PCDH10: variants seen among roughly 807,000 people sequenced by gnomAD.
The protein encoded by PCDH10 is protocadherin 10.
Under a neutral mutation model 74.4 loss-of-function variants are expected in PCDH10, and 15 were observed. The observed-to-expected ratio is 0.20, with a 90% confidence interval of 0.13 to 0.31. The LOEUF (loss-of-function observed/expected upper bound fraction) is 0.31, where lower values mean the gene tolerates loss of function less well. Among genes scored for constraint, PCDH10 ranks in the 10% least tolerant of loss-of-function variants. The pLI is 1.00. For synonymous variants in PCDH10, 619 were observed against 589.8 expected, an observed-to-expected ratio of 1.05 and a Z score of -0.72; for missense variants, 1,260 against 1,390.2, an observed-to-expected ratio of 0.91 and a Z score of 1.49.
chr4:133,187,733 A>G (rs1459086773), intron 4 of PCDH10, among the ~76,000 whole-genome samples: 1 of 152,138 alleles, frequency 6.6e-6, no homozygotes, highest in East Asian at 1.9e-4. Context: ...TTATGTTTAT[A>G]TTTAAGATAT....
chr4:133,179,998 C>A (rs1224753972), intron 4 of PCDH10, among the ~76,000 whole-genome samples: 1 of 151,922 alleles, frequency 6.6e-6, no homozygotes, highest in Non-Finnish European at 1.5e-5. Flanking sequence ...AAATCTTAAC[C>A]ATTTCCAGTC....
intron 2 of PCDH10, among the ~76,000 whole-genome samples, chr4:133,206,290 G>A (rs890058691): frequency 6.6e-6 from 1 of 152,148 alleles, no homozygotes; most frequent in African/African-American, 2.4e-5. Context: ...AACTGTGCCT[G>A]CTATTTCCTA....
At chr4:133,157,764 G>C (rs1726895264) in intron 3 of PCDH10, among the ~76,000 whole-genome samples, 1 of 151,830 alleles carries the variant, frequency 6.6e-6, no homozygotes, top group Non-Finnish European at 1.5e-5. Context: ...TATTTATTTA[G>C]ATATGCCTTC....
At chr4:133,207,859 C>A (rs894328070) in intron 2 of PCDH10, among the ~76,000 whole-genome samples, 1 of 152,136 alleles carries the variant, frequency 6.6e-6, no homozygotes, top group Non-Finnish European at 1.5e-5. Context: ...TTGACAGCCT[C>A]TGTGATGGCC....
At chr4:133,204,642 C>G (rs1727966944) in intron 2 of PCDH10, among the ~76,000 whole-genome samples, 1 of 152,130 alleles carries the variant, frequency 6.6e-6, no homozygotes, top group East Asian at 1.9e-4. Context: ...TTGGCCTTCC[C>G]AGTATCATGA....
intron 4 of PCDH10, among the ~76,000 whole-genome samples, chr4:133,174,022 T>A (rs1471335273): frequency 6.6e-6 from 1 of 151,946 alleles, no homozygotes. Context: ...ATGAAAAATA[T>A]CTTAACCTTG....
intron 3 of PCDH10, among the ~76,000 whole-genome samples, chr4:133,157,822 C>T (rs1186288430): frequency 3.3e-5 from 5 of 150,524 alleles, no homozygotes; most frequent in African/African-American, 9.8e-5. Flanking sequence ...TATCTTCCAC[C>T]CCCTCCTTCT....
At position 133,193,892 on chromosome 4, in the gene PCDH10, GA is replaced by G. The variant is rs1376193052; in HGVS notation, c.*3737del. 6.6e-6 allele frequency: 1 copy of G among 151,548 alleles called. No individual in the cohort carries two copies. The highest frequency in any genetic ancestry group is 1.5e-5 in the Non-Finnish European group (1 of 67,678). The allele number at this position is 151,548 out of a possible 1,614,324, so 9.4% of individuals were successfully genotyped here. On this transcript the variant is annotated 3_prime_UTR_variant, in exon 5 of 5. Transcript: ENST00000264360. ...TCCTTTTGTGTTCCTTTTTAACAAG[GA>G]AAAACAGAAAATAATGGAATTCCAT...
chr4:133,170,177 A>T (rs1727174430), intron 4 of PCDH10, among the ~76,000 whole-genome samples: 1 of 152,146 alleles, frequency 6.6e-6, no homozygotes, highest in Admixed American at 6.5e-5. Flanking sequence ...AATGTTGCAG[A>T]TAAAAATTAG....
Position 133,151,322 on chromosome 4 carries a change from G to C in PCDH10, c.1182G>C (p.Gln394His), listed in dbSNP as rs770531453. Residue 394 changes from glutamine to histidine, a missense_variant, in exon 1 of 5, where the codon CAG becomes CAC. This residue lies in a region of PCDH10 where 112 missense variants were observed against 123.6 expected (regional missense o/e 0.91). Transcript: ENST00000264360. ...DRDSEENGQV[Q>H]CELLGDVPFR... ...ACTCAGAGGAGAATGGGCAGGTGCA[G>C]TGCGAGCTACTGGGAGACGTGCCTT... The C allele has an allele frequency of 6.2e-7, 1 of 1,614,196 alleles. No individual in the cohort carries two copies. Among genetic ancestry groups the C allele is most frequent in the Non-Finnish European group, 8.5e-7 (1 of 1,180,034 alleles).
At position 133,150,924 on chromosome 4, in the gene PCDH10, A is replaced by C; in HGVS notation, c.784A>C (p.Asn262His). ...QPVYTVSLPE[N>H]SPPGTLVIQL... is the part of the protein sequence containing the mutation. ...CGTCTACACTGTGTCCCTACCAGAGAACTCTCCCCCAGGCACTCTCGTGAT... is the reference window on the plus strand; with the variant it reads ...CGTCTACACTGTGTCCCTACCAGAGCACTCTCCCCCAGGCACTCTCGTGAT... Residue 262 changes from asparagine (N) to histidine (H), a missense_variant, in exon 1 of 5, where the codon AAC becomes CAC. Coordinates refer to ENST00000264360, the MANE Select transcript of PCDH10 (RefSeq NM_032961.3). The C allele has an allele frequency of 1.2e-6, 2 of 1,613,782 alleles. No homozygotes were observed. The highest frequency in any genetic ancestry group is 1.7e-6 in the Non-Finnish European group (2 of 1,180,008).
chr4:133,151,617 G>A lies in PCDH10; in HGVS notation c.1477G>A (p.Gly493Ser). 1 of 1,613,858 alleles carries A rather than the reference G, an allele frequency of 6.2e-7. No homozygotes were observed. The highest frequency in any genetic ancestry group is 8.5e-7 in the Non-Finnish European group (1 of 1,180,030). ...YAVSATDRDE[G>S]ANAQLAYSIL... ...GGTGAGCGCCACCGACCGGGATGAG[G>A]GCGCCAACGCCCAGCTTGCCTACTC... is the stretch of plus-strand genomic sequence containing the variant. Residue 493 changes from glycine to serine, a missense_variant, in exon 1 of 5, where the codon GGC becomes AGC. Coordinates refer to ENST00000264360, the MANE Select transcript of PCDH10 (RefSeq NM_032961.3).
Position 133,150,898 on chromosome 4 carries a change from C to T in PCDH10, c.758C>T (p.Pro253Leu). ...SNDNVPAFDQ[P>L]VYTVSLPENS... ...GACAATGTGCCCGCTTTCGACCAAC[C>T]CGTCTACACTGTGTCCCTACCAGAG... is the stretch of plus-strand genomic sequence containing the variant. Residue 253 changes from proline (P) to leucine (L), a missense_variant, in exon 1 of 5, where the codon CCC becomes CTC. Pro to Leu is a moderately conservative substitution (Grantham distance 98). This residue lies in a region of PCDH10 where 192 missense variants were observed against 161.2 expected (regional missense o/e 1.19). Transcript: ENST00000264360. 3 of 1,612,312 alleles carry T rather than the reference C, an allele frequency of 1.9e-6. No homozygotes were observed. Among genetic ancestry groups the T allele is most frequent in the Non-Finnish European group, 1.7e-6 (2 of 1,179,656 alleles).
Position 133,202,203 on chromosome 4 carries a change from C to T in PCDH10, n.438-5873C>T, listed in dbSNP as rs543855203. ...ACTTTAGTGGTATCCTTTTTATGGC[C>T]AATAAAGAAAAGTGAGGGACCTGTG... On this transcript the variant is annotated intron_variant and non_coding_transcript_variant, in intron 2 of 2. Coordinates refer to the PCDH10 transcript ENST00000511112. Among the ~76,000 whole-genome samples, 412 of 151,986 alleles carry T rather than the reference C, an allele frequency of 2.7e-3. 2 individuals carry two copies. The highest frequency in any genetic ancestry group is 5.0e-3 in the Non-Finnish European group (342 of 67,970).
At chr4:133,170,770 G>A (rs1727186392) in intron 4 of PCDH10, among the ~76,000 whole-genome samples, 1 of 152,002 alleles carries the variant, frequency 6.6e-6, no homozygotes, top group Non-Finnish European at 1.5e-5. Context: ...TTGGCTCACT[G>A]CCACCTCCAC....
At position 133,149,300 on chromosome 4, in the gene PCDH10, T is replaced by TCTGA. The variant is rs1391513833; in HGVS notation, c.-841_-840insCTGA. On this transcript the variant is annotated 5_prime_UTR_variant, in exon 1 of 5. Transcript: ENST00000264360. Reference sequence around the variant, plus strand: ...AGCCGAGCGCTCGGAGCTCAGAAACTGCCAGCCCAGACCACAGGCTCAGAG... The same window carrying TCTGA: ...AGCCGAGCGCTCGGAGCTCAGAAACTCTGAGCCAGCCCAGACCACAGGCTCAGAG... The TCTGA allele has an allele frequency of 6.6e-6, 1 of 152,290 alleles. No homozygotes were observed. The highest frequency in any genetic ancestry group is 1.5e-5 in the Non-Finnish European group (1 of 68,082). The allele number at this position is 152,290 out of a possible 1,614,324, so 9.4% of individuals were successfully genotyped here.
chr4:133,181,130 A>AATATGCT (rs1341095794), intron 4 of PCDH10, among the ~76,000 whole-genome samples: 1 of 151,980 alleles, frequency 6.6e-6, no homozygotes, highest in East Asian at 1.9e-4. Flanking sequence ...ATATTTATTT[A>AATATGCT]ATATGCTATA....
intron 3 of PCDH10, among the ~76,000 whole-genome samples, chr4:133,159,382 T>A (rs1726921512): frequency 6.6e-6 from 1 of 152,050 alleles, no homozygotes; most frequent in African/African-American, 2.4e-5. Context: ...ACATCAGCTA[T>A]CATCCCTTGC....
intron 4 of PCDH10, among the ~76,000 whole-genome samples, chr4:133,175,084 G>A (rs987949557): frequency 6.6e-6 from 1 of 151,668 alleles, no homozygotes; most frequent in African/African-American, 2.4e-5. Context: ...TATAGAGAAA[G>A]ATTACCTTTA....
Sources: gnomAD v4.1 joint callset for allele counts (sites outside exome capture counted in the v4.1 genomes callset) on GRCh38, gnomAD v4.1.1 for gene constraint, gnomAD v4.1.1 regional missense constraint, MANE v1.5 for transcripts, NCBI Gene and HGNC (gene_info 2026-07-23, HGNC 2026-07-21) for gene names.